The following MYPN variants were observed in gnomAD, a reference collection of about 807,000 sequenced individuals.
MYPN encodes myopalladin, also known as sarcomeric protein myopalladin, 145 kDa (MYOP).
A neutral mutation model predicts 129.4 loss-of-function variants in MYPN; 63 were observed. The ratio of observed to expected loss-of-function variants is 0.49; its 90% CI spans 0.40 to 0.60. MYPN has a LOEUF of 0.60. MYPN is among the 20% of genes least tolerant of loss of function. The pLI, the probability that MYPN is intolerant of heterozygous loss-of-function variation, is 0.00. For missense variants in MYPN, 1,596 were observed against 1,635.4 expected, an observed-to-expected ratio of 0.98 and a Z score of 0.42; for synonymous variants, 629 against 600.9, an observed-to-expected ratio of 1.05 and a Z score of -0.68.
intron 8 of MYPN, chr10:68,161,971 T>C: frequency 2.4e-6 from 1 of 414,712 alleles, no homozygotes; most frequent in Admixed American, 4.1e-5. Flanking sequence ...AAGACCAGCC[T>C]GGCCTACATG....
chr10:68,139,709 T>C (rs144055928), intron 2 of MYPN, among the ~76,000 whole-genome samples: 1 of 152,186 alleles, frequency 6.6e-6, no homozygotes, highest in Non-Finnish European at 1.5e-5. Context: ...AAATCAAAGG[T>C]TGCCATAGAA....
At chr10:68,163,309 C>A (rs977263750) in intron 8 of MYPN, among the ~76,000 whole-genome samples, 1 of 151,074 alleles carries the variant, frequency 6.6e-6, no homozygotes, top group Admixed American at 6.6e-5. Flanking sequence ...AAAATAGAAG[C>A]CTTATGATTC....
chr10:68,140,900 C>T (rs956383382), intron 2 of MYPN, among the ~76,000 whole-genome samples: 4 of 152,040 alleles, frequency 2.6e-5, no homozygotes, highest in African/African-American at 4.8e-5. Context: ...TAGCAAAACA[C>T]GAATCTACTA....
chr10:68,168,434 A>G (rs2043087045), intron 10 of MYPN, among the ~76,000 whole-genome samples: 2 of 152,154 alleles, frequency 1.3e-5, no homozygotes, highest in Admixed American at 6.5e-5. Context: ...TTCTGCCAAA[A>G]TATTTAAAGA....
At chr10:68,161,774 A>G (rs1407939129) in intron 8 of MYPN, 22 bp downstream of exon 8, 1 of 1,569,148 alleles carries the variant, frequency 6.4e-7, no homozygotes, top group Non-Finnish European at 8.8e-7. Context: ...TTCAACTTTA[A>G]TTTATTAGTA....
At chr10:68,152,079 A>G (rs2042780293) in intron 6 of MYPN, among the ~76,000 whole-genome samples, 2 of 152,224 alleles carry the variant, frequency 1.3e-5, no homozygotes, top group African/African-American at 4.8e-5. Context: ...TCCAAGTCAT[A>G]GGCAGATTCA....
chr10:68,148,321 A>T, intron 4 of MYPN, 32 bp from the exon 5 acceptor site: 1 of 1,521,118 alleles, frequency 6.6e-7, no homozygotes, highest in Non-Finnish European at 9.1e-7. Flanking sequence ...TGATAGGTCT[A>T]TTTTATAATC....
intron 4 of MYPN, 21 bp from the exon 5 acceptor site, chr10:68,148,332 T>C: frequency 6.4e-7 from 1 of 1,559,848 alleles, no homozygotes; most frequent in South Asian, 1.1e-5. Flanking sequence ...TTTTATAATC[T>C]ATATTTTAAT....
chr10:68,184,119 G>T (rs2043382867), intron 12 of MYPN, among the ~76,000 whole-genome samples: 1 of 152,152 alleles, frequency 6.6e-6, no homozygotes, highest in Non-Finnish European at 1.5e-5. Context: ...TCAGGGACTG[G>T]TATTCTTGTT....
Position 68,122,347 on chromosome 10 carries a change from A to G in MYPN, c.902+7A>G. On this transcript the variant is annotated splice_region_variant and intron_variant, in intron 2 of 19. Coordinates refer to ENST00000358913, the MANE Select transcript of MYPN (RefSeq NM_032578.4). ...TTCCACCACCTCAAGTAAGGTAAAAATGTCCCATTGGTAATGCTGAGTAAT... is the reference window on the plus strand; with the variant it reads ...TTCCACCACCTCAAGTAAGGTAAAAGTGTCCCATTGGTAATGCTGAGTAAT... 6.2e-7 allele frequency: 1 copy of G among 1,612,710 alleles called. No individual in the cohort carries two copies. Among genetic ancestry groups the G allele is most frequent in the South Asian group, 1.1e-5 (1 of 91,036 alleles).
chr10:68,093,995 G>T (rs1275305752), intron 1 of MYPN, among the ~76,000 whole-genome samples: 1 of 152,068 alleles, frequency 6.6e-6, no homozygotes, highest in Non-Finnish European at 1.5e-5. Flanking sequence ...CTGTCACGGT[G>T]GTGGTGAGTG....
chr10:68,208,921 G>A (rs781667979), intron 19 of MYPN, among the ~76,000 whole-genome samples: 17 of 152,202 alleles, frequency 1.1e-4, no homozygotes, highest in Non-Finnish European at 2.4e-4. Flanking sequence ...AAGAGATGGA[G>A]GGGCTGGGAG....
Position 68,174,098 on chromosome 10 carries a change from A to G in MYPN, c.2006A>G (p.Gln669Arg). The change falls in exon 11 of 20, where the codon CAA becomes CGA. Residue 669 changes from glutamine (Q) to arginine (R), a missense_variant. Coordinates refer to ENST00000358913, the MANE Select transcript of MYPN (RefSeq NM_032578.4). Reference protein sequence around the residue: ...DSTQLQQLHNQVLLEQHQLQN... With the variant: ...DSTQLQQLHNRVLLEQHQLQN... ...ACTCAGTTACAACAGCTTCATAACC[A>G]AGTCTTACTGGAACAACACCAATTG... 1 of 1,614,094 alleles carries G rather than the reference A, an allele frequency of 6.2e-7. No homozygotes were observed. Among genetic ancestry groups the G allele is most frequent in the Non-Finnish European group, 8.5e-7 (1 of 1,179,976 alleles).
At chr10:68,148,506 TGACA>T (rs1468233169) in intron 5 of MYPN, 39 bp downstream of exon 5, 2 of 1,512,608 alleles carry the variant, frequency 1.3e-6, no homozygotes, top group East Asian at 2.3e-5. Context: ...CCATCCACTG[TGACA>T]GACAGTCATG....
chr10:68,196,650 A>AT (rs1161522531), intron 15 of MYPN, among the ~76,000 whole-genome samples: 3 of 151,516 alleles, frequency 2.0e-5, no homozygotes, highest in Non-Finnish European at 4.4e-5. Flanking sequence ...TGCCCAGCTA[A>AT]TTTTTGTATT....
intron 7 of MYPN, among the ~76,000 whole-genome samples, chr10:68,159,157 T>C (rs2042932663): frequency 6.6e-6 from 1 of 152,194 alleles, no homozygotes; most frequent in Admixed American, 6.5e-5. Flanking sequence ...TTGAACTAAA[T>C]TTAGGATGGT....
At position 68,211,003 on chromosome 10, in the gene MYPN, A is replaced by G. The variant is rs573596383; in HGVS notation, c.*548A>G. 4.8e-5 allele frequency: 22 copies of G among 454,090 alleles called. No individual in the cohort carries two copies. The highest frequency in any genetic ancestry group is 3.3e-4 in the South Asian group (21 of 64,468). The allele number at this position is 454,090 out of a possible 1,614,324, so 28.1% of individuals were successfully genotyped here. On this transcript the variant is annotated 3_prime_UTR_variant, in exon 20 of 20. Transcript: ENST00000358913. ...ATACAACTCACGTATGCGGGCAAAC[A>G]CTTTTGATTTGCATATCCTGGGTGT...
chr10:68,166,854 C>A (rs1313066711), intron 10 of MYPN, among the ~76,000 whole-genome samples, 188 bp downstream of exon 10: 3 of 151,836 alleles, frequency 2.0e-5, no homozygotes, highest in Admixed American at 6.6e-5. Context: ...AATAGTGAGA[C>A]CTCTGTCTCT....
rs772535532 is a variant in MYPN at position 68,166,629 on chromosome 10, G to A, written c.1936G>A (p.Val646Met). The A allele has an allele frequency of 1.6e-5, 26 of 1,613,980 alleles. No individual in the cohort carries two copies. Among genetic ancestry groups the A allele is most frequent in the Middle Eastern group, 3.3e-4 (2 of 6,062 alleles). The change falls in exon 10 of 20, where the codon GTG becomes ATG. Residue 646 changes from valine to methionine, a missense_variant. By Grantham distance (21) the Val-to-Met change is conservative. Coordinates refer to ENST00000358913, the MANE Select transcript of MYPN (RefSeq NM_032578.4). ...ATKTPEPSSP[V>M]KEPPPVLAKP... ...AAAAACCCCAGAGCCTTCTTCCCCC[G>A]TGAAAGAGCCCCCTCCAGTTCTGGC...
Sources: allele counts gnomAD v4.1 joint callset (sites outside exome capture counted in the v4.1 genomes callset), GRCh38; gene constraint gnomAD v4.1.1; transcripts MANE v1.5; gene names NCBI Gene and HGNC (gene_info 2026-07-23, HGNC 2026-07-21).